CACNG8: variants seen among roughly 807,000 people sequenced by gnomAD.
The protein encoded by CACNG8 is calcium voltage-gated channel auxiliary subunit gamma 8, also known as voltage-dependent calcium channel gamma-8 subunit.
CACNG8 carries 5 observed loss-of-function variants against 26.9 expected under a neutral mutation model. The observed-to-expected ratio is 0.19, with a 90% confidence interval of 0.10 to 0.39. The LOEUF is 0.39. Ranked by LOEUF, CACNG8 falls within the 10% of genes least tolerant of loss-of-function variation. The pLI, the probability that CACNG8 is intolerant of heterozygous loss-of-function variation, is 1.00. For synonymous variants in CACNG8, 321 were observed against 296.7 expected, an observed-to-expected ratio of 1.08 and a Z score of -0.84; for missense variants, 473 against 609.4, an observed-to-expected ratio of 0.78 and a Z score of 2.36.
At chr19:53,977,896 T>C (rs11084307) in intron 1 of CACNG8, among the ~76,000 whole-genome samples, 40,948 of 152,140 alleles carry the variant, frequency 0.27, 6,788 homozygotes, top group East Asian at 0.49. Context: ...CAGTGAGTGC[T>C]GCAAGGATGT....
At chr19:53,973,320 G>A (rs1173322278) in intron 1 of CACNG8, among the ~76,000 whole-genome samples, 1 of 152,072 alleles carries the variant, frequency 6.6e-6, no homozygotes, top group African/African-American at 2.4e-5. Flanking sequence ...CCAGGAGTTC[G>A]AGACCAGCCT....
At chr19:53,979,310 G>A (rs934481798) in intron 2 of CACNG8, among the ~76,000 whole-genome samples, 1 of 151,610 alleles carries the variant, frequency 6.6e-6, no homozygotes, top group Non-Finnish European at 1.5e-5. Context: ...GGGTGGGGTG[G>A]GGGCGTGAGG....
chr19:53,969,230 C>T (rs117181224), intron 1 of CACNG8, among the ~76,000 whole-genome samples: 13 of 152,042 alleles, frequency 8.6e-5, no homozygotes, highest in East Asian at 3.9e-4. Flanking sequence ...TCTCAAACTC[C>T]GGCCTCAGGT....
chr19:53,974,120 C>T (rs56266601), intron 1 of CACNG8, among the ~76,000 whole-genome samples: 40,419 of 152,140 alleles, frequency 0.27, 6,611 homozygotes, highest in East Asian at 0.49. Flanking sequence ...CACATCCCCC[C>T]ACCCTCCAGC....
At chr19:53,979,358 T>G (rs2069350329) in intron 2 of CACNG8, among the ~76,000 whole-genome samples, 1 of 150,850 alleles carries the variant, frequency 6.6e-6, no homozygotes. Flanking sequence ...AGATTCAGCC[T>G]GGCAGAAACG....
rs1600040355 is a variant in CACNG8 at position 53,983,731 on chromosome 19, TGAG to T, written c.*883_*885del. 6.6e-6 allele frequency: 1 copy of T among 152,324 alleles called. No homozygotes were observed. The highest frequency in any genetic ancestry group is 1.9e-4 in the East Asian group (1 of 5,184). The allele number at this position is 152,324 out of a possible 1,614,324, so 9.4% of individuals were successfully genotyped here. ...GAGATTTCAGTGGACAGTGAAAGGATGAGAAGAAGCCAGCAGGGCGGAGCTGGG... is the reference window on the plus strand; with the variant it reads ...GAGATTTCAGTGGACAGTGAAAGGATAAGAAGCCAGCAGGGCGGAGCTGGG... On this transcript the variant is annotated 3_prime_UTR_variant, in exon 4 of 4. Transcript: ENST00000270458.
At chr19:53,978,640 C>T (rs976272116) in intron 2 of CACNG8, among the ~76,000 whole-genome samples, 1 of 150,966 alleles carries the variant, frequency 6.6e-6, no homozygotes, top group African/African-American at 2.4e-5. Context: ...TGGTAGCTAC[C>T]CCGAGAACGC....
Position 53,963,073 on chromosome 19 carries a change from A to G in CACNG8, c.-70A>G, listed in dbSNP as rs1161589965. ...CTGCCTGCGCTGTGAACCCCCCCCCAGCCGCCGGCACGGCCCCGCCCCCGC... is the reference window on the plus strand; with the variant it reads ...CTGCCTGCGCTGTGAACCCCCCCCCGGCCGCCGGCACGGCCCCGCCCCCGC... On this transcript the variant is annotated 5_prime_UTR_variant, in exon 1 of 4. Coordinates refer to ENST00000270458, the MANE Select transcript of CACNG8 (RefSeq NM_031895.6). The G allele has an allele frequency of 4.6e-6, 2 of 438,222 alleles. No homozygotes were observed. The highest frequency in any genetic ancestry group is 2.9e-6 in the Non-Finnish European group (1 of 343,826). The allele number at this position is 438,222 out of a possible 1,614,324, so 27.1% of individuals were successfully genotyped here. A position where few individuals can be genotyped will look rare whatever the true frequency, so the allele number is the denominator to read the frequency against.
chr19:53,963,559 C>T (rs1004536268), intron 1 of CACNG8, 134 bp downstream of exon 1: 79 of 878,900 alleles, frequency 9.0e-5, no homozygotes, highest in Non-Finnish European at 1.2e-4. Flanking sequence ...GGCTTCTGCG[C>T]CTTCCCACTC....
At chr19:53,979,379 G>GAGGA (rs1357195891) in intron 2 of CACNG8, among the ~76,000 whole-genome samples, 1 of 151,960 alleles carries the variant, frequency 6.6e-6, no homozygotes, top group African/African-American at 2.4e-5. Context: ...GGAGGAGGAG[G>GAGGA]AGGAAGGAAG....
chr19:53,968,947 CATTT>C (rs1328874234), intron 1 of CACNG8, among the ~76,000 whole-genome samples: 12 of 151,978 alleles, frequency 7.9e-5, no homozygotes, highest in East Asian at 1.9e-4. Context: ...AATTGTCATT[CATTT>C]GTCACTGAAT....
chr19:53,974,362 C>T lies in CACNG8; in HGVS notation c.284-3784C>T, dbSNP rs180798717. On this transcript the variant is annotated intron_variant, in intron 1 of 3. Coordinates refer to ENST00000270458, the MANE Select transcript of CACNG8 (RefSeq NM_031895.6). The stretch of plus-strand genomic sequence containing the variant: ...TGTTGTTTATCCTTTCATCTGTCAA[C>T]GGGCACTGGGGTGTTTCCGCTTTTT... Among the ~76,000 whole-genome samples, 11 of 152,296 alleles carry T rather than the reference C, an allele frequency of 7.2e-5. No individual in the cohort carries two copies. The East Asian group carries it at 1.7e-3, about 24-fold the overall frequency.
rs2069395341 is a variant in CACNG8, at chr19:53,984,468, T to A, written c.*1619T>A. 1 of 152,088 alleles carries A rather than the reference T, an allele frequency of 6.6e-6. No homozygotes were observed. Among genetic ancestry groups the A allele is most frequent in the Non-Finnish European group, 1.5e-5 (1 of 68,050 alleles). 9.4% of individuals were successfully genotyped at this position (152,088 alleles called of 1,614,324 possible). A position where few individuals can be genotyped will look rare whatever the true frequency, so the allele number is the denominator to read the frequency against. On this transcript the variant is annotated 3_prime_UTR_variant, in exon 4 of 4. Transcript: ENST00000270458. ...ATGCCCATTCTGGGTCTTGAAGAAA[T>A]GAGTGGGCATCTTCTGGTTGATGAA...
intron 1 of CACNG8, among the ~76,000 whole-genome samples, chr19:53,972,385 G>C (rs1312747529): frequency 9.3e-6 from 1 of 107,272 alleles, no homozygotes; most frequent in Non-Finnish European, 1.8e-5. Context: ...TTTTGAGACA[G>C]AGTTTCACTC....
At chr19:53,974,990 C>T (rs955342930) in intron 1 of CACNG8, among the ~76,000 whole-genome samples, 3 of 149,104 alleles carry the variant, frequency 2.0e-5, no homozygotes, top group Non-Finnish European at 4.5e-5. Context: ...TGCTCTGTCA[C>T]CAGGCTGGAG....
chr19:53,981,969 G>A, intron 3 of CACNG8, 111 bp from the exon 4 acceptor site: 2 of 1,230,234 alleles, frequency 1.6e-6, no homozygotes, highest in Non-Finnish European at 2.1e-6. Context: ...GGCCTAGACC[G>A]CCTGGGGGTG....
intron 1 of CACNG8, among the ~76,000 whole-genome samples, chr19:53,972,684 A>T (rs2069309896): frequency 6.6e-6 from 1 of 151,976 alleles, no homozygotes; most frequent in African/African-American, 2.4e-5. Flanking sequence ...CTTTCACTGA[A>T]ATTTCACTGA....
intron 3 of CACNG8, among the ~76,000 whole-genome samples, chr19:53,981,791 G>C (rs1568802451): frequency 6.6e-6 from 1 of 152,196 alleles, no homozygotes; most frequent in Non-Finnish European, 1.5e-5. Context: ...GGTTGGATTA[G>C]ACCAGCAGAG....
chr19:53,973,928 TTCATTCAC>T (rs1262238150), intron 1 of CACNG8, among the ~76,000 whole-genome samples: 7 of 152,242 alleles, frequency 4.6e-5, no homozygotes, highest in African/African-American at 1.7e-4. Flanking sequence ...GAGTTGTATA[TTCATTCAC>T]TCATTCACTC....
Sources: gnomAD v4.1 joint callset for allele counts (sites outside exome capture counted in the v4.1 genomes callset) on GRCh38, gnomAD v4.1.1 for gene constraint, MANE v1.5 for transcripts, NCBI Gene and HGNC (gene_info 2026-07-23, HGNC 2026-07-21) for gene names.